PDE6D: variants seen among roughly 807,000 people sequenced by gnomAD.
The protein encoded by PDE6D is phosphodiesterase 6D, also known as retinal rod rhodopsin-sensitive cGMP 3',5'-cyclic phosphodiesterase subunit delta.
A neutral mutation model predicts 21.9 loss-of-function variants in PDE6D; 10 were observed. The observed-to-expected ratio is 0.46, with a 90% CI of 0.28 to 0.78. PDE6D has a LOEUF of 0.78. Among genes scored for constraint, PDE6D ranks in the 30% least tolerant of loss-of-function variants. The probability of loss-of-function intolerance (pLI) is 0.12; values close to 1 mark genes in which losing one functional copy is unlikely to be tolerated. For missense variants in PDE6D, 139 were observed against 184.8 expected (o/e 0.75, Z 1.44); for synonymous variants, 59 against 63.5 (o/e 0.93, Z 0.34).
At chr2:231,754,965 A>G (rs1360738180) in intron 1 of PDE6D, among the ~76,000 whole-genome samples, 1 of 152,072 alleles carries the variant, frequency 6.6e-6, no homozygotes, top group African/African-American at 2.4e-5. Flanking sequence ...CCTAACCCCC[A>G]ATGTGATGGT....
chr2:231,772,428 A>G (rs2049022877), intron 1 of PDE6D, among the ~76,000 whole-genome samples: 1 of 152,226 alleles, frequency 6.6e-6, no homozygotes, highest in Admixed American at 6.5e-5. Flanking sequence ...TTTTCTTCCC[A>G]GCTCCAAAAT....
At chr2:231,779,080 T>G (rs148602461) in intron 1 of PDE6D, 198 of 152,358 alleles carry the variant, frequency 1.3e-3, no homozygotes, top group African/African-American at 4.5e-3. Flanking sequence ...TTCCTGCTTT[T>G]CTTTTCTCTC....
At chr2:231,752,182 T>C (rs1309141371) in intron 1 of PDE6D, among the ~76,000 whole-genome samples, 1 of 152,182 alleles carries the variant, frequency 6.6e-6, no homozygotes, top group Non-Finnish European at 1.5e-5. Flanking sequence ...ATTTGAGTTA[T>C]GGGGTAAGAC....
chr2:231,759,161 A>G (rs1332933946), intron 1 of PDE6D, among the ~76,000 whole-genome samples: 1 of 152,014 alleles, frequency 6.6e-6, no homozygotes, highest in African/African-American at 2.4e-5. Context: ...CTATTAAAAA[A>G]AAAAAATTAG....
Position 231,781,049 on chromosome 2 carries a change from G to T in PDE6D, c.50+16C>A, listed in dbSNP as rs993589615. Reference sequence around the variant, plus strand: ...TCCCAAGTCCTCCCGGCCCCGCCCCGCTCCCGGACGGATACAGTTTGAAGC... The same window carrying T: ...TCCCAAGTCCTCCCGGCCCCGCCCCTCTCCCGGACGGATACAGTTTGAAGC... On this transcript the variant is annotated intron_variant, in intron 1 of 4. Coordinates refer to ENST00000287600, the MANE Select transcript of PDE6D (RefSeq NM_002601.4). The T allele has an allele frequency of 6.8e-6, 11 of 1,609,466 alleles. No homozygotes were observed. The African/African-American group carries it at 1.5e-4, about 22-fold the overall frequency.
At chr2:231,768,289 C>T (rs1166688007) in intron 1 of PDE6D, among the ~76,000 whole-genome samples, 1 of 152,182 alleles carries the variant, frequency 6.6e-6, no homozygotes, top group African/African-American at 2.4e-5. Flanking sequence ...CTGACTCCAA[C>T]TCACTCTTGA....
chr2:231,732,747 T>C lies in PDE6D; in HGVS notation c.*205A>G. 4 of 527,916 alleles carry C rather than the reference T, an allele frequency of 7.6e-6. No homozygotes were observed. The highest frequency in any genetic ancestry group is 5.2e-4 in the Middle Eastern group (1 of 1,918). 32.7% of individuals were successfully genotyped at this position (527,916 alleles called of 1,614,324 possible). ...CTGGTCTGGGGTTGGGAGTTTAGTC[T>C]GGTCAGCTGGAAGATGGTGGCTTGG... On this transcript the variant is annotated 3_prime_UTR_variant, in exon 5 of 5. Transcript: ENST00000287600.
chr2:231,767,417 GC>G (rs1347241712), intron 1 of PDE6D, among the ~76,000 whole-genome samples: 1 of 151,740 alleles, frequency 6.6e-6, no homozygotes, highest in Non-Finnish European at 1.5e-5. Context: ...CCAGGTTCAT[GC>G]CCTTCTCTTG....
intron 1 of PDE6D, among the ~76,000 whole-genome samples, chr2:231,769,252 A>G (rs368034786): frequency 7.2e-5 from 11 of 152,358 alleles, no homozygotes; most frequent in African/African-American, 2.6e-4. Context: ...ATGAATGGCC[A>G]GTGAGTGGCA....
intron 3 of PDE6D, 97 bp from the exon 4 acceptor site, chr2:231,737,389 G>A: frequency 1.6e-6 from 1 of 624,848 alleles, no homozygotes; most frequent in Non-Finnish European, 2.8e-6. Flanking sequence ...TTCCTACCCT[G>A]AGAACCACCA....
chr2:231,744,254 T>C (rs901230901), intron 1 of PDE6D, among the ~76,000 whole-genome samples: 16 of 152,142 alleles, frequency 1.1e-4, no homozygotes, highest in Admixed American at 1.0e-3. Context: ...CTTCAATCTA[T>C]GTATTAAATG....
intron 1 of PDE6D, among the ~76,000 whole-genome samples, chr2:231,765,331 G>GA (rs967391711): frequency 2.0e-5 from 3 of 149,420 alleles, no homozygotes; most frequent in Non-Finnish European, 4.5e-5. Context: ...AACTCAGAAA[G>GA]AAAAAAAAAG....
chr2:231,770,431 G>A (rs538798816), intron 1 of PDE6D, among the ~76,000 whole-genome samples: 19 of 149,780 alleles, frequency 1.3e-4, no homozygotes, highest in African/African-American at 3.8e-4. Flanking sequence ...CCTGTATCTG[G>A]TGAATTGAGG....
chr2:231,777,244 G>C (rs2049064532), intron 1 of PDE6D, among the ~76,000 whole-genome samples: 1 of 152,178 alleles, frequency 6.6e-6, no homozygotes, highest in African/African-American at 2.4e-5. Flanking sequence ...TTTTGTTTTT[G>C]AAACAACTGA....
At chr2:231,745,169 G>T (rs2048783596) in intron 1 of PDE6D, among the ~76,000 whole-genome samples, 1 of 151,690 alleles carries the variant, frequency 6.6e-6, no homozygotes, top group Non-Finnish European at 1.5e-5. Context: ...GAGAAAAGCT[G>T]GTCCTCAAAA....
intron 1 of PDE6D, among the ~76,000 whole-genome samples, chr2:231,751,183 G>A (rs2048837452): frequency 6.6e-6 from 1 of 151,118 alleles, no homozygotes; most frequent in Non-Finnish European, 1.5e-5. Context: ...TTGAGACAGG[G>A]TCTTGCTTCA....
chr2:231,755,925 A>G (rs1308221630), intron 1 of PDE6D, among the ~76,000 whole-genome samples: 3 of 151,980 alleles, frequency 2.0e-5, no homozygotes, highest in Admixed American at 6.6e-5. Context: ...CATCTCAAAA[A>G]AAAAAAATTA....
Position 231,781,153 on chromosome 2 carries a change from C to A in PDE6D, c.-39G>T. 6.2e-7 allele frequency: 1 copy of A among 1,606,264 alleles called. No homozygotes were observed. The highest frequency in any genetic ancestry group is 8.5e-7 in the Non-Finnish European group (1 of 1,174,892). Reference sequence around the variant, plus strand: ...CCGCCCGCGGCTTTCTCACTCTGGTCGGCGGAGCCTCGCAGACGGTGCCCA... The same window carrying A: ...CCGCCCGCGGCTTTCTCACTCTGGTAGGCGGAGCCTCGCAGACGGTGCCCA... On this transcript the variant is annotated 5_prime_UTR_variant, in exon 1 of 5. Transcript: ENST00000287600.
chr2:231,753,917 C>T (rs2048862663), intron 1 of PDE6D, among the ~76,000 whole-genome samples: 1 of 152,220 alleles, frequency 6.6e-6, no homozygotes, highest in Admixed American at 6.5e-5. Flanking sequence ...CCTTCCTACA[C>T]CCATTCTCAT....
Sources: allele counts gnomAD v4.1 joint callset (sites outside exome capture counted in the v4.1 genomes callset), GRCh38; gene constraint gnomAD v4.1.1; transcripts MANE v1.5; gene names NCBI Gene and HGNC (gene_info 2026-07-23, HGNC 2026-07-21).